Variants in CDH20 observed in about 807,000 individuals in gnomAD.
CDH20 encodes the protein cadherin-20.
CDH20 carries 29 observed loss-of-function variants against 74.2 expected under a neutral mutation model. The observed-to-expected ratio is 0.39, with a 90% CI of 0.29 to 0.53. The LOEUF (loss-of-function observed/expected upper bound fraction) is 0.53. Among genes scored for constraint, CDH20 ranks in the 20% least tolerant of loss-of-function variants. The probability of loss-of-function intolerance (pLI) is 0.69; values close to 1 mark genes in which losing one functional copy is unlikely to be tolerated. For synonymous variants in CDH20, 469 were observed against 405.4 expected (o/e 1.16, Z -1.88); for missense variants, 988 against 1,048.3 (o/e 0.94, Z 0.79).
At chr18:61,339,986 G>C (rs1004644722) in intron 1 of CDH20, among the ~76,000 whole-genome samples, 1 of 151,922 alleles carries the variant, frequency 6.6e-6, no homozygotes, top group Non-Finnish European at 1.5e-5. Context: ...CACTGAGCCC[G>C]GCCAGGTCAT....
intron 1 of CDH20, among the ~76,000 whole-genome samples, chr18:61,443,072 A>G (rs1194790130): frequency 6.6e-6 from 1 of 152,180 alleles, no homozygotes; most frequent in Non-Finnish European, 1.5e-5. Flanking sequence ...GGGAGAGAAG[A>G]CCTCATGAAT....
chr18:61,350,473 C>T (rs1244684695), intron 1 of CDH20, among the ~76,000 whole-genome samples: 1 of 151,924 alleles, frequency 6.6e-6, no homozygotes, highest in Non-Finnish European at 1.5e-5. Flanking sequence ...ATGCACGATT[C>T]CACCCTTAAT....
chr18:61,503,042 C>G lies in CDH20; in HGVS notation c.751C>G (p.Leu251Val). The G allele has an allele frequency of 6.2e-7, 1 of 1,613,942 alleles. No homozygotes were observed. Among genetic ancestry groups the G allele is most frequent in the Non-Finnish European group, 8.5e-7 (1 of 1,179,838 alleles). ...IIQAKDMGGQ[L>V]GGLAGTTTVN... is the part of the protein sequence containing the mutation. The stretch of plus-strand genomic sequence containing the variant: ...CCAAGCCAAGGACATGGGAGGGCAG[C>G]TTGGAGGATTAGCTGGGACCACAAC... Residue 251 changes from leucine (L) to valine (V), a missense_variant, in exon 5 of 12, where the codon CTT becomes GTT. This residue lies in a region of CDH20 where 613 missense variants were observed against 755.2 expected (regional missense o/e 0.81). Transcript: ENST00000262717.
intron 1 of CDH20, among the ~76,000 whole-genome samples, chr18:61,359,603 C>T (rs1045975033): frequency 1.2e-4 from 19 of 152,006 alleles, no homozygotes; most frequent in African/African-American, 4.3e-4. Context: ...AAGATATGTG[C>T]TTCTTGAGAA....
At chr18:61,355,469 A>G (rs1910468935) in intron 1 of CDH20, among the ~76,000 whole-genome samples, 1 of 152,226 alleles carries the variant, frequency 6.6e-6, no homozygotes, top group South Asian at 2.1e-4. Flanking sequence ...ACACACAAGG[A>G]AAGAACACAT....
At chr18:61,425,416 G>A (rs138217013) in intron 1 of CDH20, among the ~76,000 whole-genome samples, 1 of 152,138 alleles carries the variant, frequency 6.6e-6, no homozygotes, top group Admixed American at 6.5e-5. Flanking sequence ...GAACGGCTGA[G>A]GGGGCAGAGG....
chr18:61,499,278 T>C lies in CDH20; in HGVS notation c.339T>C (p.Thr113=). 6.2e-7 allele frequency: 1 copy of C among 1,613,974 alleles called. No homozygotes were observed. The highest frequency in any genetic ancestry group is 1.1e-5 in the South Asian group (1 of 91,066). ...TCGTGTTTACCATCGACGACACCAC[T>C]GGAGACATCCACGCCATTCAGAGGC... The part of the protein sequence containing the change: ...AGIVFTIDDT[T]GDIHAIQRLD... The change falls in exon 3 of 12, where the codon ACT becomes ACC. Residue 113 remains threonine, a synonymous_variant. Coordinates refer to ENST00000262717, the MANE Select transcript of CDH20 (RefSeq NM_031891.4).
At chr18:61,439,626 C>A (rs1057273700) in intron 1 of CDH20, among the ~76,000 whole-genome samples, 2 of 152,220 alleles carry the variant, frequency 1.3e-5, no homozygotes, top group South Asian at 4.1e-4. Context: ...GACTAAAAAT[C>A]ATTTTATAAT....
chr18:61,470,159 C>T (rs541231425), intron 1 of CDH20, among the ~76,000 whole-genome samples: 5 of 152,232 alleles, frequency 3.3e-5, no homozygotes, highest in Non-Finnish European at 5.9e-5. Flanking sequence ...GCTATAAATG[C>T]GTATCATACA....
chr18:61,381,710 A>G (rs868359475), intron 1 of CDH20, among the ~76,000 whole-genome samples: 9 of 152,212 alleles, frequency 5.9e-5, no homozygotes, highest in African/African-American at 1.4e-4. Context: ...ACACCATTCA[A>G]GTTGCTCATT....
intron 1 of CDH20, among the ~76,000 whole-genome samples, chr18:61,384,329 G>C (rs941165480): frequency 6.6e-6 from 1 of 152,106 alleles, no homozygotes; most frequent in Non-Finnish European, 1.5e-5. Flanking sequence ...AATGGCCCCA[G>C]TTCAGGCTAA....
intron 1 of CDH20, among the ~76,000 whole-genome samples, chr18:61,389,357 G>A (rs1911698178): frequency 6.6e-6 from 1 of 151,798 alleles, no homozygotes; most frequent in African/African-American, 2.4e-5. Context: ...CAAGCCTTCT[G>A]TTTCCAAGTT....
At chr18:61,406,016 T>C (rs1292211998) in intron 1 of CDH20, among the ~76,000 whole-genome samples, 1 of 152,178 alleles carries the variant, frequency 6.6e-6, no homozygotes, top group Non-Finnish European at 1.5e-5. Flanking sequence ...TCCTGCTCTT[T>C]ATTCAGGACT....
chr18:61,443,733 C>T (rs897203337), intron 1 of CDH20, among the ~76,000 whole-genome samples: 1 of 152,162 alleles, frequency 6.6e-6, no homozygotes, highest in Non-Finnish European at 1.5e-5. Flanking sequence ...TACATTCTGG[C>T]ATAAGCTCGT....
chr18:61,523,358 A>G (rs1253978041), intron 6 of CDH20, among the ~76,000 whole-genome samples: 1 of 152,240 alleles, frequency 6.6e-6, no homozygotes, highest in African/African-American at 2.4e-5. Flanking sequence ...AATCAGAACT[A>G]TATTGAGATA....
intron 3 of CDH20, among the ~76,000 whole-genome samples, chr18:61,500,037 G>A (rs1374157097): frequency 1.4e-5 from 2 of 138,754 alleles, no homozygotes; most frequent in Non-Finnish European, 3.0e-5. Context: ...CCGGGAGGTG[G>A]AGATTTCAGT....
chr18:61,369,986 G>A (rs1450465280), intron 1 of CDH20, among the ~76,000 whole-genome samples: 2 of 152,038 alleles, frequency 1.3e-5, no homozygotes, highest in African/African-American at 2.4e-5. Context: ...CTTGGATGAT[G>A]AAACAATCTG....
At chr18:61,460,794 T>C (rs1019260879) in intron 1 of CDH20, among the ~76,000 whole-genome samples, 66 of 152,350 alleles carry the variant, frequency 4.3e-4, no homozygotes, top group African/African-American at 1.5e-3. Flanking sequence ...GATTTTCTCT[T>C]CTTTTTGCCA....
intron 1 of CDH20, among the ~76,000 whole-genome samples, chr18:61,355,188 G>A (rs1460849263): frequency 2.0e-5 from 3 of 152,180 alleles, no homozygotes; most frequent in African/African-American, 7.2e-5. Context: ...ATTATCATGA[G>A]AAATAAAATA....
Sources: allele counts gnomAD v4.1 joint callset (sites outside exome capture counted in the v4.1 genomes callset), GRCh38; gene constraint gnomAD v4.1.1; regional missense constraint gnomAD v4.1.1; transcripts MANE v1.5; gene names NCBI Gene and HGNC (gene_info 2026-07-23, HGNC 2026-07-21).